CDKL3: variants seen among roughly 807,000 people sequenced by gnomAD.
CDKL3 encodes the protein cyclin dependent kinase like 3.
Under a neutral mutation model 69.3 loss-of-function variants are expected in CDKL3, and 65 were observed. The ratio of observed to expected loss-of-function variants is 0.94; its 90% CI spans 0.77 to 1.15. The LOEUF (loss-of-function observed/expected upper bound fraction) is 1.15. Among genes scored for constraint, CDKL3 ranks in the 50% most tolerant of loss-of-function variants. CDKL3 has a pLI of 0.00. For synonymous variants in CDKL3, 202 were observed against 221.6 expected, an observed-to-expected ratio of 0.91 and a Z score of 0.79; for missense variants, 652 against 689.2, an observed-to-expected ratio of 0.95 and a Z score of 0.61.
upstream of CDKL3, among the ~76,000 whole-genome samples, chr5:134,368,341 G>A (rs191056559): frequency 2.6e-5 from 4 of 152,282 alleles, no homozygotes; most frequent in Admixed American, 6.5e-5. Context: ...TTATTCAGAC[G>A]GGCGCAGTGG....
chr5:134,367,957 GCTTT>G (rs1303927990), upstream of CDKL3, among the ~76,000 whole-genome samples: 1 of 152,186 alleles, frequency 6.6e-6, no homozygotes, highest in Non-Finnish European at 1.5e-5. Context: ...CCTAGGGAGT[GCTTT>G]CTTTATTGAA....
chr5:134,368,985 C>T (rs954822831), upstream of CDKL3, among the ~76,000 whole-genome samples: 1 of 152,162 alleles, frequency 6.6e-6, no homozygotes, highest in African/African-American at 2.4e-5. Flanking sequence ...CCTGTTCACA[C>T]CACTGCACTC....
At chr5:134,364,860 G>A (rs777753194) in intron 2 of CDKL3, among the ~76,000 whole-genome samples, 2 of 151,476 alleles carry the variant, frequency 1.3e-5, no homozygotes, top group Non-Finnish European at 2.9e-5. Context: ...AGGCTAGAGT[G>A]CAGTGGCGTG....
chr5:134,340,684 C>T (rs1208780795), intron 4 of CDKL3, among the ~76,000 whole-genome samples: 3 of 152,048 alleles, frequency 2.0e-5, no homozygotes, highest in Non-Finnish European at 4.4e-5. Flanking sequence ...TCTCAATAAA[C>T]TTTTAACAAG....
At chr5:134,355,836 T>G (rs904998223) in intron 3 of CDKL3, among the ~76,000 whole-genome samples, 5 of 152,164 alleles carry the variant, frequency 3.3e-5, no homozygotes, top group Non-Finnish European at 7.4e-5. Context: ...TGTGGAGACA[T>G]GGCATGGTAG....
intron 4 of CDKL3, among the ~76,000 whole-genome samples, chr5:134,329,875 T>A (rs1775344236): frequency 1.3e-5 from 2 of 151,950 alleles, no homozygotes; most frequent in Admixed American, 1.3e-4. Flanking sequence ...CCGGGCATGG[T>A]GGCACACACC....
chr5:134,304,295 A>G, intron 11 of CDKL3, 110 bp downstream of exon 11: 2 of 838,134 alleles, frequency 2.4e-6, no homozygotes, highest in Non-Finnish European at 3.5e-6. Flanking sequence ...TGTTTTCCTC[A>G]CCAATTTACT....
intron 7 of CDKL3, 87 bp downstream of exon 7, chr5:134,312,205 A>T: frequency 1.3e-6 from 1 of 748,186 alleles, no homozygotes; most frequent in Non-Finnish European, 2.3e-6. Context: ...TGTTATATAA[A>T]AGTAACCTAT....
rs1183961313 is a variant in CDKL3, at chr5:134,326,827, A to G, written c.540-4924T>C. Among the ~76,000 whole-genome samples the G allele has an allele frequency of 3.9e-5, 4 of 103,122 alleles. 1 individual carries two copies. Among genetic ancestry groups the G allele is most frequent in the African/African-American group, 2.2e-4 (4 of 18,356 alleles). The allele number at this position is 103,122 out of a possible 152,430, so 67.7% of individuals were successfully genotyped here. On this transcript the variant is annotated intron_variant, in intron 4 of 12. Coordinates refer to ENST00000265334, the MANE Select transcript of CDKL3 (RefSeq NM_001113575.2). ...TATATATATGTGTGTGTATATATATATATATATATATATATATATATATAT... is the reference window on the plus strand; with the variant it reads ...TATATATATGTGTGTGTATATATATGTATATATATATATATATATATATAT...
intron 6 of CDKL3, chr5:134,318,927 C>T (rs1771940575): frequency 2.6e-5 from 4 of 152,468 alleles, no homozygotes; most frequent in African/African-American, 9.7e-5. Flanking sequence ...CTACAGTTTA[C>T]ATTACTTTAG....
rs1370835873 is a variant in CDKL3, at chr5:134,319,421, T to C, written c.729A>G (p.Gln243=). 9 of 1,543,164 alleles carry C rather than the reference T, an allele frequency of 5.8e-6. No individual in the cohort carries two copies. The South Asian group carries it at 8.6e-5, about 15-fold the overall frequency. Residue 243 remains glutamine (Q), a synonymous_variant, in exon 6 of 13, where the codon CAA becomes CAG. Transcript: ENST00000265334. Reference sequence around the variant, plus strand: ...ATTTTTTTCTTGCATTTTTGGGGTGTTGAACTTGAGGAAGAACTACCCCAG... The same window carrying C: ...ATTTTTTTCTTGCATTTTTGGGGTGCTGAACTTGAGGAAGAACTACCCCAG... ...IFAGVVLPQV[Q]HPKNARKKYP...
At chr5:134,313,890 C>A (rs1158121669) in intron 6 of CDKL3, among the ~76,000 whole-genome samples, 1 of 151,942 alleles carries the variant, frequency 6.6e-6, no homozygotes, top group Non-Finnish European at 1.5e-5. Context: ...GTAATCCCAG[C>A]ACTTTGGGGG....
intron 4 of CDKL3, among the ~76,000 whole-genome samples, chr5:134,348,852 T>C (rs1752560417): frequency 6.6e-6 from 1 of 152,220 alleles, no homozygotes; most frequent in African/African-American, 2.4e-5. Context: ...TCAAATCATT[T>C]AATCCTCATC....
At chr5:134,371,594 G>T (rs375951755), upstream of CDKL3, 3 of 1,612,856 alleles carry the variant, frequency 1.9e-6, no homozygotes, top group East Asian at 6.7e-5. Context: ...CAGCTGCGGA[G>T]CATGTCGACC....
chr5:134,314,371 T>C (rs1014433931), intron 6 of CDKL3, among the ~76,000 whole-genome samples: 2 of 152,162 alleles, frequency 1.3e-5, no homozygotes, highest in Admixed American at 6.6e-5. Context: ...AACATGACAC[T>C]TTGGGAAACA....
chr5:134,362,418 C>G (rs537641014), intron 2 of CDKL3, among the ~76,000 whole-genome samples: 3 of 152,112 alleles, frequency 2.0e-5, no homozygotes, highest in African/African-American at 7.2e-5. Context: ...ACTCAGGAGG[C>G]TGAGGCAGGA....
chr5:134,350,166 T>G (rs1194695514), intron 4 of CDKL3, 83 bp downstream of exon 4: 6 of 1,070,162 alleles, frequency 5.6e-6, no homozygotes, highest in Non-Finnish European at 7.9e-6. Flanking sequence ...CCAGCCTGGG[T>G]GACAGAGCAA....
At chr5:134,328,024 A>G (rs1003138971) in intron 4 of CDKL3, among the ~76,000 whole-genome samples, 2 of 152,172 alleles carry the variant, frequency 1.3e-5, no homozygotes, top group Non-Finnish European at 1.5e-5. Context: ...AATAACAGTA[A>G]CAAGTCCCAG....
Position 134,357,084 on chromosome 5 carries a change from A to G in CDKL3, c.360+2813T>C, listed in dbSNP as rs548047863. The stretch of plus-strand genomic sequence containing the variant: ...CTCAACTATAGTCTTTGAAGGCAAA[A>G]TATCTACTTATTTTGTATCCCCAAT... On this transcript the variant is annotated intron_variant, in intron 3 of 12. Coordinates refer to ENST00000265334, the MANE Select transcript of CDKL3 (RefSeq NM_001113575.2). Among the ~76,000 whole-genome samples the G allele has an allele frequency of 1.1e-4, 17 of 152,272 alleles. No individual in the cohort carries two copies. In the South Asian group the frequency reaches 3.1e-3, roughly 28 times the overall value.
Sources: gnomAD v4.1 joint callset for allele counts (sites outside exome capture counted in the v4.1 genomes callset) on GRCh38, gnomAD v4.1.1 for gene constraint, MANE v1.5 for transcripts, NCBI Gene and HGNC (gene_info 2026-07-23, HGNC 2026-07-21) for gene names.